Variants in SHOX observed in about 807,000 individuals in gnomAD.
SHOX encodes SHOX homeobox, also known as short stature homeobox protein.
A neutral mutation model predicts 29.6 loss-of-function variants in SHOX; 12 were observed. The ratio of observed to expected loss-of-function variants is 0.41; its 90% CI spans 0.26 to 0.66. The LOEUF is 0.66. SHOX is among the 30% of genes least tolerant of loss of function. The pLI is 0.35. For synonymous variants in SHOX, 214 were observed against 200.6 expected (o/e 1.07, Z -0.57); for missense variants, 499 against 437.7 (o/e 1.14, Z -1.25).
intron 4 of SHOX, among the ~76,000 whole-genome samples, chrX:642,200 G>A (rs2052866394): frequency 1.3e-5 from 2 of 152,148 alleles, no homozygotes; most frequent in East Asian, 1.9e-4. Flanking sequence ...GCCCACGTGC[G>A]CCCTGCCTGA....
Position 651,232 on chromosome X carries a change from C to A in SHOX, c.*6596C>A, listed in dbSNP as rs1273411609. 9.0e-6 allele frequency: 4 copies of A among 442,576 alleles called. No individual in the cohort carries two copies. The highest frequency in any genetic ancestry group is 6.5e-5 in the South Asian group (4 of 61,310). 27.4% of individuals were successfully genotyped at this position (442,576 alleles called of 1,614,324 possible). On this transcript the variant is annotated 3_prime_UTR_variant, in exon 5 of 5. Coordinates refer to ENST00000686671, the MANE Select transcript of SHOX (RefSeq NM_000451.4). ...CTGTTGCTTTTTCTTTTTCCCTCCC[C>A]CATTGACGACATAGCGGCCCCCGCG...
In SHOX at chrX:650,658, G is replaced by A. The variant is rs1034573549; in HGVS notation, c.*6022G>A. 6.6e-6 allele frequency among the ~76,000 whole-genome samples: 1 copy of A among 151,402 alleles called. No individual in the cohort carries two copies. The highest frequency in any genetic ancestry group is 2.4e-5 in the African/African-American group (1 of 41,196). On this transcript the variant is annotated 3_prime_UTR_variant, in exon 5 of 5. Transcript: ENST00000686671. ...CCTTTAGCTCCACAGTTTTCCCGGG[G>A]ACATAGCGAGGATGGCACACGGCAG...
chrX:651,641 G>GAA (rs553983413), downstream of SHOX, among the ~76,000 whole-genome samples: 2,905 of 107,460 alleles, frequency 0.027, 133 homozygotes, highest in African/African-American at 0.098. Context: ...AGGCTTATTG[G>GAA]AAAAAAAAAA....
At position 650,810 on chromosome X, in the gene SHOX, A is replaced by AAAAC. The variant is rs2053048067; in HGVS notation, c.*6177_*6178insCAAA. On this transcript the variant is annotated 3_prime_UTR_variant, in exon 5 of 5. Coordinates refer to ENST00000686671, the MANE Select transcript of SHOX (RefSeq NM_000451.4). The stretch of plus-strand genomic sequence containing the variant: ...TTGACATTAAAAAAAAAAAAAAAAA[A>AAAAC]AAAAAAAAACTGGTGCCTAATTTAT... 6.7e-6 allele frequency among the ~76,000 whole-genome samples: 1 copy of AAAAC among 150,096 alleles called. No individual in the cohort carries two copies. Among genetic ancestry groups the AAAAC allele is most frequent in the African/African-American group, 2.4e-5 (1 of 40,834 alleles).
In SHOX at chrX:648,907, CCTTT is replaced by C. The variant is rs1039396295; in HGVS notation, c.*4280_*4283del. 1.3e-4 allele frequency among the ~76,000 whole-genome samples: 14 copies of C among 104,588 alleles called. No individual in the cohort carries two copies. Among genetic ancestry groups the C allele is most frequent in the African/African-American group, 3.8e-4 (13 of 34,088 alleles). The allele number at this position is 104,588 out of a possible 152,430, so 68.6% of individuals were successfully genotyped here. A position where few individuals can be genotyped will look rare whatever the true frequency, so the allele number is the denominator to read the frequency against. On this transcript the variant is annotated 3_prime_UTR_variant, in exon 5 of 5. Transcript: ENST00000686671. ...CTCCCTTCTCCTTCCTTCCTTCCTT[CCTTT>C]CTTTCTTTTTCTTTCTTTCTCTCTT...
chrX:631,065 C>T lies in SHOX; in HGVS notation c.168C>T (p.Leu56=), dbSNP rs756239303. 1.9e-6 allele frequency: 3 copies of T among 1,613,796 alleles called. No individual in the cohort carries two copies. The South Asian group carries it at 3.3e-5, about 18-fold the overall frequency. ...AGCTGGGGACGTCGGATTCCAGCCT[C>T]CAGGACATCACGGAGGGCGGCGGCC... ...SRELGTSDSS[L]QDITEGGGHC... Residue 56 remains leucine (L), a synonymous_variant, in exon 1 of 5, where the codon CTC becomes CTT. Coordinates refer to ENST00000686671, the MANE Select transcript of SHOX (RefSeq NM_000451.4).
chrX:639,511 C>A (rs779503035), intron 2 of SHOX, among the ~76,000 whole-genome samples: 1 of 152,218 alleles, frequency 6.6e-6, no homozygotes, highest in Non-Finnish European at 1.5e-5. Flanking sequence ...TCACCCTCTC[C>A]GTTTGTGGCT....
rs1237269957 is a variant in SHOX at position 646,703 on chromosome X, G to A, written c.*2067G>A. 6.6e-6 allele frequency: 1 copy of A among 151,780 alleles called. No individual in the cohort carries two copies. The highest frequency in any genetic ancestry group is 2.4e-5 in the African/African-American group (1 of 41,288). The allele number at this position is 151,780 out of a possible 1,614,324, so 9.4% of individuals were successfully genotyped here. A position where few individuals can be genotyped will look rare whatever the true frequency, so the allele number is the denominator to read the frequency against. ...TTTATGTCAAAATGTTACAACCGCT[G>A]TAAAATGACGGAGAGAGAGAGAAAG... On this transcript the variant is annotated 3_prime_UTR_variant, in exon 5 of 5. Transcript: ENST00000686671.
chrX:638,649 C>A (rs1369244210), intron 2 of SHOX, among the ~76,000 whole-genome samples: 14 of 152,204 alleles, frequency 9.2e-5, no homozygotes, highest in Non-Finnish European at 1.8e-4. Context: ...GGGCTGGAAG[C>A]TTCCGTGTTG....
At chrX:639,733 G>A (rs2052816687) in intron 2 of SHOX, among the ~76,000 whole-genome samples, 1 of 152,256 alleles carries the variant, frequency 6.6e-6, no homozygotes, top group Admixed American at 6.5e-5. Context: ...CAGGTGCGGT[G>A]GCTCACACCT....
At chrX:630,553 G>A, upstream of SHOX, 1 of 438,684 alleles carries the variant, frequency 2.3e-6, no homozygotes, top group Non-Finnish European at 4.2e-6. Context: ...CCCCTCCTGC[G>A]CGCGCGCTCT....
intron 4 of SHOX, 134 bp from the exon 5 acceptor site, chrX:644,257 G>T: frequency 8.8e-7 from 1 of 1,137,364 alleles, no homozygotes; most frequent in Non-Finnish European, 1.2e-6. Context: ...GGTGTGGGGT[G>T]GTCTCCACGG....
chrX:624,761 C>T (rs2052476816), intron 1 of SHOX, among the ~76,000 whole-genome samples: 2 of 46,186 alleles, frequency 4.3e-5, no homozygotes, highest in Non-Finnish European at 3.8e-5. Flanking sequence ...TTTCACTTGG[C>T]AAGATTGGTT....
At chrX:653,027 G>C (rs1246007523), downstream of SHOX, among the ~76,000 whole-genome samples, 1 of 152,150 alleles carries the variant, frequency 6.6e-6, no homozygotes, top group Non-Finnish European at 1.5e-5. Flanking sequence ...GATCACCTGA[G>C]GTCAGGAGTT....
chrX:657,544 C>T (rs193275688), intron 5 of SHOX, among the ~76,000 whole-genome samples: 9 of 152,112 alleles, frequency 5.9e-5, no homozygotes, highest in Admixed American at 4.6e-4. Flanking sequence ...GCACAAAGAA[C>T]CTGCTCCCCC....
downstream of SHOX, among the ~76,000 whole-genome samples, chrX:655,612 CTCTATATATATATATATATATATATATA>C (rs1279641613): frequency 5.7e-4 from 9 of 15,690 alleles, no homozygotes; most frequent in East Asian, 4.0e-3. Flanking sequence ...CTCTCTCTCT[CTCTATATATATATATATATATATATATA>C]TATATATATA....
chrX:650,977 C>A lies in SHOX; in HGVS notation c.*6341C>A, dbSNP rs1320217499. Among the ~76,000 whole-genome samples the A allele has an allele frequency of 6.6e-6, 1 of 151,992 alleles. No homozygotes were observed. The highest frequency in any genetic ancestry group is 6.6e-5 in the Admixed American group (1 of 15,242). On this transcript the variant is annotated 3_prime_UTR_variant, in exon 5 of 5. Coordinates refer to ENST00000686671, the MANE Select transcript of SHOX (RefSeq NM_000451.4). Reference sequence around the variant, plus strand: ...ATGTAGACAATATCCCGTTTCAAAGCTATGAAATGTGCTATTTATTGAAAG... The same window carrying A: ...ATGTAGACAATATCCCGTTTCAAAGATATGAAATGTGCTATTTATTGAAAG...
intron 4 of SHOX, among the ~76,000 whole-genome samples, chrX:643,387 C>G (rs375653142): frequency 1.4e-5 from 2 of 146,290 alleles, no homozygotes; most frequent in East Asian, 4.1e-4. Context: ...GCTTGGACAC[C>G]TGGTGTCCCA....
chrX:630,308 T>TC (rs200482877), upstream of SHOX, among the ~76,000 whole-genome samples: 101,200 of 150,408 alleles, frequency 0.67, 34,286 homozygotes, highest in Non-Finnish European at 0.72. Flanking sequence ...GGCGCCCGGA[T>TC]CCCCCCCTCG....
Sources: gnomAD v4.1 joint callset for allele counts (sites outside exome capture counted in the v4.1 genomes callset) on GRCh38, gnomAD v4.1.1 for gene constraint, MANE v1.5 for transcripts, NCBI Gene and HGNC (gene_info 2026-07-23, HGNC 2026-07-21) for gene names.